The following PCDH15 variants were observed in gnomAD, a reference collection of about 807,000 sequenced individuals.
The protein encoded by PCDH15 is protocadherin-15.
A neutral mutation model predicts 178.5 loss-of-function variants in PCDH15; 129 were observed. The ratio of observed to expected loss-of-function variants is 0.72; its 90% CI spans 0.63 to 0.84. The LOEUF (loss-of-function observed/expected upper bound fraction) is 0.84, where lower values mean the gene tolerates loss of function less well. Ranked by LOEUF, PCDH15 falls within the 40% of genes least tolerant of loss-of-function variation. The probability of loss-of-function intolerance (pLI) is 0.00; values close to 1 mark genes in which losing one functional copy is unlikely to be tolerated. For synonymous variants in PCDH15, 800 were observed against 732.0 expected (o/e 1.09, Z -1.50); for missense variants, 2,230 against 2,099.9 (o/e 1.06, Z -1.21).
chr10:54,503,652 G>A (rs1443220335), intron 3 of PCDH15, among the ~76,000 whole-genome samples: 1 of 151,874 alleles, frequency 6.6e-6, no homozygotes, highest in Admixed American at 6.6e-5. Context: ...TATACAGTAT[G>A]CACCCTTTAA....
intron 9 of PCDH15, among the ~76,000 whole-genome samples, chr10:54,218,542 T>G (rs867010102): frequency 2.6e-5 from 4 of 151,138 alleles, no homozygotes; most frequent in Non-Finnish European, 4.4e-5. Context: ...CCTCTCTCTC[T>G]GTCCAAGGGC....
At chr10:54,103,677 C>A (rs2094854990) in intron 15 of PCDH15, among the ~76,000 whole-genome samples, 1 of 152,180 alleles carries the variant, frequency 6.6e-6, no homozygotes, top group Non-Finnish European at 1.5e-5. Context: ...CAAGAGAGAT[C>A]CGGCATTTCC....
At chr10:55,409,372 A>T (rs547116364) in intron 2 of PCDH15, among the ~76,000 whole-genome samples, 1 of 152,210 alleles carries the variant, frequency 6.6e-6, no homozygotes, top group African/African-American at 2.4e-5. Context: ...TTTGTCTCTC[A>T]TGTTACTGTC....
At chr10:55,394,977 T>C (rs906857507) in intron 2 of PCDH15, among the ~76,000 whole-genome samples, 16 of 152,114 alleles carry the variant, frequency 1.1e-4, no homozygotes, top group African/African-American at 3.4e-4. Flanking sequence ...GTTTCTTAAC[T>C]TGGGCAACGT....
rs1179923766 is a variant in PCDH15, at chr10:53,959,820, C to A, written c.3034G>T (p.Gly1012Trp). ...GCACTGCTGGACATCACAGGCTCCC[C>A]ATCATCAAAAGCAACCACCACCAAC... ...FKLVVVAFDD[G>W]EPVMSSSATV... is the part of the protein sequence containing the mutation. Residue 1012 changes from glycine (G) to tryptophan (W), a missense_variant, in exon 23 of 38, where the codon GGG becomes TGG. Transcript: ENST00000644397. 2 of 1,613,854 alleles carry A rather than the reference C, an allele frequency of 1.2e-6. No individual in the cohort carries two copies. Among genetic ancestry groups the A allele is most frequent in the Non-Finnish European group, 1.7e-6 (2 of 1,179,942 alleles).
At chr10:55,028,230 T>C (rs1040464207) in intron 2 of PCDH15, among the ~76,000 whole-genome samples, 6 of 151,890 alleles carry the variant, frequency 4.0e-5, no homozygotes, top group African/African-American at 7.2e-5. Flanking sequence ...AATGATAATA[T>C]GGCTAAAAAT....
intron 3 of PCDH15, among the ~76,000 whole-genome samples, chr10:54,515,445 C>G (rs182233987): frequency 1.3e-5 from 2 of 152,258 alleles, no homozygotes; most frequent in Admixed American, 1.3e-4. Context: ...TGGCCATTGC[C>G]GAGTTAGTTG....
rs1251130319 is a variant in PCDH15, at chr10:55,520,045, C to CAT, written c.-156+107578_-156+107579dup. 3.8e-3 allele frequency among the ~76,000 whole-genome samples: 526 copies of CAT among 140,180 alleles called. 3 individuals are homozygous for CAT. Among genetic ancestry groups the CAT allele is most frequent in the African/African-American group, 0.013 (497 of 37,898 alleles). The allele number at this position is 140,180 out of a possible 152,430, so 92.0% of individuals were successfully genotyped here. ...GGCATATATATATGCCATATATATA[C>CAT]ATATATATATATACATATATATGGC... On this transcript the variant is annotated intron_variant, in intron 2 of 5. Transcript: ENST00000613346.
chr10:55,521,274 A>G (rs551672256), intron 2 of PCDH15, among the ~76,000 whole-genome samples: 107 of 152,196 alleles, frequency 7.0e-4, no homozygotes, highest in African/African-American at 2.4e-3. Flanking sequence ...TTGACTAAAT[A>G]ATATGCACTG....
chr10:54,475,305 A>G (rs2078201671), intron 3 of PCDH15, among the ~76,000 whole-genome samples: 1 of 152,030 alleles, frequency 6.6e-6, no homozygotes, highest in African/African-American at 2.4e-5. Flanking sequence ...CTTGAAACTT[A>G]AAACTTTATT....
chr10:55,148,713 A>C lies in PCDH15; in HGVS notation c.-80+17863T>G, dbSNP rs188517406. ...AAAATCTATGTCATTTAATTGTTTG[A>C]AGGACAAAGCACTGATAATGTCTGT... On this transcript the variant is annotated intron_variant, in intron 2 of 5. Coordinates refer to the PCDH15 transcript ENST00000458638. Among the ~76,000 whole-genome samples, 517 of 151,778 alleles carry C rather than the reference A, an allele frequency of 3.4e-3. 16 individuals are homozygous for C. The highest frequency in any genetic ancestry group is 1.3e-3 in the Non-Finnish European group (85 of 67,822).
At chr10:54,071,071 G>T (rs145780045) in intron 17 of PCDH15, among the ~76,000 whole-genome samples, 1 of 152,118 alleles carries the variant, frequency 6.6e-6, no homozygotes, top group East Asian at 1.9e-4. Context: ...TCCTATCTCA[G>T]GAAATGACAT....
chr10:55,005,243 G>T (rs1009102604), intron 2 of PCDH15, among the ~76,000 whole-genome samples: 4 of 53,376 alleles, frequency 7.5e-5, no homozygotes, highest in African/African-American at 2.8e-4. Context: ...GGAGCCTCTT[G>T]GTAGAATTGT....
intron 1 of PCDH15, among the ~76,000 whole-genome samples, chr10:54,761,207 C>T (rs1446375551): frequency 6.6e-6 from 1 of 151,984 alleles, no homozygotes; most frequent in East Asian, 1.9e-4. Flanking sequence ...GAATCTTGCC[C>T]CCCCAAAAAT....
intron 2 of PCDH15, among the ~76,000 whole-genome samples, chr10:54,624,648 G>A (rs1004079787): frequency 2.0e-5 from 3 of 152,168 alleles, no homozygotes; most frequent in Non-Finnish European, 2.9e-5. Flanking sequence ...AGCAGGAGGC[G>A]AATGGTGAGT....
At chr10:54,865,012 CATT>C (rs1269791476) in intron 3 of PCDH15, among the ~76,000 whole-genome samples, 2 of 152,084 alleles carry the variant, frequency 1.3e-5, no homozygotes, top group East Asian at 1.9e-4. Context: ...TCATGATAGA[CATT>C]ATTAAATATC....
intron 25 of PCDH15, chr10:53,905,113 A>T (rs1349611210): frequency 3.9e-6 from 2 of 510,366 alleles, no homozygotes; most frequent in East Asian, 1.1e-4. Context: ...CAGGTAAATC[A>T]TCACCTAATA....
At chr10:55,070,901 T>A (rs529272505) in intron 2 of PCDH15, among the ~76,000 whole-genome samples, 4 of 152,122 alleles carry the variant, frequency 2.6e-5, no homozygotes, top group South Asian at 2.1e-4. Context: ...GATTCTTCCT[T>A]CCCATGAGCA....
chr10:55,501,731 A>G (rs920611498), intron 2 of PCDH15, among the ~76,000 whole-genome samples: 1 of 151,730 alleles, frequency 6.6e-6, no homozygotes, highest in Non-Finnish European at 1.5e-5. Context: ...AATAAATGGT[A>G]GCAATAAACT....
Sources: allele counts gnomAD v4.1 joint callset (sites outside exome capture counted in the v4.1 genomes callset), GRCh38; gene constraint gnomAD v4.1.1; transcripts MANE v1.5; gene names NCBI Gene and HGNC (gene_info 2026-07-23, HGNC 2026-07-21).